Variants in CDH4 observed in about 807,000 individuals in gnomAD.
CDH4 encodes the protein cadherin-4.
A neutral mutation model predicts 86.0 loss-of-function variants in CDH4; 33 were observed. That is an observed-to-expected ratio of 0.38 (90% CI 0.29 to 0.51). The LOEUF (loss-of-function observed/expected upper bound fraction) is 0.51. CDH4 is among the 20% of genes least tolerant of loss of function. The pLI is 0.86. For synonymous variants in CDH4, 555 were observed against 549.4 expected, an observed-to-expected ratio of 1.01 and a Z score of -0.14; for missense variants, 1,114 against 1,307.4, an observed-to-expected ratio of 0.85 and a Z score of 2.28.
intron 2 of CDH4, among the ~76,000 whole-genome samples, chr20:61,419,061 A>G (rs539817678): frequency 3.6e-4 from 55 of 152,230 alleles, no homozygotes; most frequent in Non-Finnish European, 7.6e-4. Context: ...CACCGGGTCC[A>G]GGTGTACATA....
In CDH4 at chr20:61,829,878, C is replaced by A. The variant is rs1281128609; in HGVS notation, c.577-14790C>A. 6.6e-6 allele frequency among the ~76,000 whole-genome samples: 1 copy of A among 151,966 alleles called. No homozygotes were observed. The highest frequency in any genetic ancestry group is 1.5e-5 in the Non-Finnish European group (1 of 67,952). On this transcript the variant is annotated intron_variant, in intron 4 of 15. Coordinates refer to ENST00000614565, the MANE Select transcript of CDH4 (RefSeq NM_001794.5). This position sits in a 1 kb window ranked among gnomAD's most constrained non-coding sequence, Gnocchi z 4.2. Reference sequence around the variant, plus strand: ...TTTCCCTCATCCCTCCCGCCCCTAGCCTGCTGGGGTGGGAGGGACGAGGCT... The same window carrying A: ...TTTCCCTCATCCCTCCCGCCCCTAGACTGCTGGGGTGGGAGGGACGAGGCT...
In CDH4 at chr20:61,743,769, TC is replaced by T; in HGVS notation, c.380del (p.Pro127ArgfsTer38). 6.2e-7 allele frequency: 1 copy of T among 1,603,838 alleles called. No individual in the cohort carries two copies. The highest frequency in any genetic ancestry group is 8.5e-7 in the Non-Finnish European group (1 of 1,175,646). On this transcript the variant is annotated frameshift_variant, in exon 3 of 16. Coordinates refer to ENST00000614565, the MANE Select transcript of CDH4 (RefSeq NM_001794.5). LOFTEE classifies it high-confidence loss of function. ...VVRLLVAQTS[S>X]PHSGHKPQKG... ...GCGGTTGCTGGTGGCCCAGACCTCG[TC>T]CCCGCACTCTGGACACAAGGTAAGG... is the stretch of plus-strand genomic sequence containing the variant.
chr20:61,736,809 GGCCACAGAAACTCCATCC>G (rs1318101486), intron 2 of CDH4, among the ~76,000 whole-genome samples: 5 of 152,120 alleles, frequency 3.3e-5, no homozygotes, highest in African/African-American at 1.2e-4. Context: ...CCGGGGCGGG[GGCCACAGAAACTCCATCC>G]ACAACACAAC....
intron 2 of CDH4, among the ~76,000 whole-genome samples, chr20:61,299,831 G>C (rs976127573): frequency 3.3e-5 from 5 of 152,166 alleles, no homozygotes; most frequent in Non-Finnish European, 7.3e-5. Context: ...CTATAAAAGT[G>C]TTAGGGCCCT....
intron 2 of CDH4, among the ~76,000 whole-genome samples, chr20:61,588,865 A>G (rs1420507242): frequency 6.6e-6 from 1 of 152,128 alleles, no homozygotes; most frequent in African/African-American, 2.4e-5. Flanking sequence ...TATCTGTCCT[A>G]CTTTGATTGT....
intron 2 of CDH4, among the ~76,000 whole-genome samples, chr20:61,288,201 G>A (rs1033761928): frequency 1.3e-5 from 2 of 151,274 alleles, no homozygotes; most frequent in Non-Finnish European, 1.5e-5. Context: ...CATTTTCCCA[G>A]AAAAAAAAAT....
chr20:61,538,259 C>T, intron 2 of CDH4, among the ~76,000 whole-genome samples: 1 of 152,168 alleles, frequency 6.6e-6, no homozygotes, highest in Non-Finnish European at 1.5e-5. Context: ...GCTGATCCAG[C>T]AGTGTCCTTT....
chr20:61,632,838 C>CCCCGCCCT (rs1393198013), intron 2 of CDH4, among the ~76,000 whole-genome samples: 1 of 108,206 alleles, frequency 9.2e-6, no homozygotes, highest in African/African-American at 3.8e-5. Context: ...CTCCTCCTCT[C>CCCCGCCCT]CCCACCCTCC....
intron 4 of CDH4, among the ~76,000 whole-genome samples, chr20:61,813,548 C>T (rs1187681829): frequency 6.6e-6 from 1 of 152,144 alleles, no homozygotes; most frequent in Non-Finnish European, 1.5e-5. Context: ...TGTGTAATTC[C>T]AAATGCTGTA....
chr20:61,593,669 C>T lies in CDH4; in HGVS notation c.170-149894C>T, dbSNP rs568316730. ...AATGGTGGATTTTTTTAAGACTTTTCACCAGTTATGGTTGTTTCTCTGGGG... is the reference window on the plus strand; with the variant it reads ...AATGGTGGATTTTTTTAAGACTTTTTACCAGTTATGGTTGTTTCTCTGGGG... On this transcript the variant is annotated intron_variant, in intron 2 of 15. Transcript: ENST00000614565. Among the ~76,000 whole-genome samples, 7 of 152,228 alleles carry T rather than the reference C, an allele frequency of 4.6e-5. No individual in the cohort carries two copies. In the East Asian group the frequency reaches 1.4e-3, roughly 30 times the overall value.
intron 2 of CDH4, among the ~76,000 whole-genome samples, chr20:61,263,132 T>G (rs1308345469): frequency 1.3e-5 from 2 of 152,126 alleles, no homozygotes; most frequent in Non-Finnish European, 2.9e-5. Flanking sequence ...TTCTCCCCGG[T>G]GTGTTCTTGT....
At position 61,565,230 on chromosome 20, in the gene CDH4, G is replaced by GTGCTCT. The variant is rs1555809099; in HGVS notation, c.170-178331_170-178330insCTCTTG. Among the ~76,000 whole-genome samples the GTGCTCT allele has an allele frequency of 6.5e-5, 2 of 30,608 alleles. 1 individual carries two copies. Among genetic ancestry groups the GTGCTCT allele is most frequent in the African/African-American group, 3.5e-4 (2 of 5,722 alleles). 20.1% of individuals were successfully genotyped at this position (30,608 alleles called of 152,430 possible). A position where few individuals can be genotyped will look rare whatever the true frequency, so the allele number is the denominator to read the frequency against. On this transcript the variant is annotated intron_variant, in intron 2 of 15. Transcript: ENST00000614565. ...GCGGTGCTCTCGGTGGTAGGTGGTGGTGGTGGTGGTGGCGGTGCTCTTGGT... is the reference window on the plus strand; with the variant it reads ...GCGGTGCTCTCGGTGGTAGGTGGTGGTGCTCTTGGTGGTGGTGGCGGTGCTCTTGGT...
chr20:61,922,370 G>A (rs2054991950), intron 9 of CDH4, among the ~76,000 whole-genome samples: 1 of 152,164 alleles, frequency 6.6e-6, no homozygotes, highest in African/African-American at 2.4e-5. Context: ...TGATAATACA[G>A]CATCACTGCA....
At position 61,279,194 on chromosome 20, in the gene CDH4, G is replaced by A. The variant is rs114586024; in HGVS notation, c.169+24257G>A. 3.1e-3 allele frequency among the ~76,000 whole-genome samples: 467 copies of A among 152,260 alleles called. 3 individuals carry two copies. Among genetic ancestry groups the A allele is most frequent in the African/African-American group, 0.011 (446 of 41,548 alleles). ...AAATGAGCATCTGGGAACATTCTAC[G>A]TGGTGGGCAGAGCCAGGCTCCAGAG... is the stretch of plus-strand genomic sequence containing the variant. On this transcript the variant is annotated intron_variant, in intron 2 of 15. Transcript: ENST00000614565.
intron 2 of CDH4, among the ~76,000 whole-genome samples, chr20:61,566,308 G>T (rs1358861318): frequency 6.6e-6 from 1 of 152,138 alleles, no homozygotes; most frequent in African/African-American, 2.4e-5. Context: ...GTTGCTTTTG[G>T]TTCTTCCAAA....
chr20:61,933,261 C>A (rs2055136420), intron 14 of CDH4, 137 bp downstream of exon 14: 1 of 1,119,128 alleles, frequency 8.9e-7, no homozygotes, highest in Admixed American at 2.3e-5. Flanking sequence ...GGCAGGGGCG[C>A]ACGGTTTCCT....
At chr20:61,666,067 G>A (rs1022003996) in intron 2 of CDH4, among the ~76,000 whole-genome samples, 2 of 151,838 alleles carry the variant, frequency 1.3e-5, no homozygotes, top group African/African-American at 4.8e-5. Context: ...TGGACGTTGG[G>A]GCCCAAATCC....
rs142998983 is a variant in CDH4 at position 61,604,488 on chromosome 20, G to A, written c.170-139075G>A. ...CTCTCCTTTCAGCATATTCCCAGGC[G>A]AGAGGCCAGCCGAGATGAGATTTGC... On this transcript the variant is annotated intron_variant, in intron 2 of 15. Coordinates refer to ENST00000614565, the MANE Select transcript of CDH4 (RefSeq NM_001794.5). Among the ~76,000 whole-genome samples the A allele has an allele frequency of 4.8e-3, 735 of 152,294 alleles. 4 individuals are homozygous for A. The highest frequency in any genetic ancestry group is 7.1e-3 in the Non-Finnish European group (481 of 68,034).
At chr20:61,603,632 C>T (rs943988887) in intron 2 of CDH4, among the ~76,000 whole-genome samples, 2 of 152,168 alleles carry the variant, frequency 1.3e-5, no homozygotes, top group African/African-American at 4.8e-5. Context: ...CCATGCCCAC[C>T]CCGTCTGCCC....
Sources: gnomAD v4.1 joint callset for allele counts (sites outside exome capture counted in the v4.1 genomes callset) on GRCh38, gnomAD v4.1.1 for gene constraint, Gnocchi (gnomAD v3.1) non-coding constraint, MANE v1.5 for transcripts, NCBI Gene and HGNC (gene_info 2026-07-23, HGNC 2026-07-21) for gene names.